Variants in MAMDC2 observed in about 807,000 individuals in gnomAD.
MAMDC2 encodes the protein MAM domain-containing protein 2.
A neutral mutation model predicts 89.8 loss-of-function variants in MAMDC2; 57 were observed. The observed-to-expected ratio is 0.63, with a 90% CI of 0.51 to 0.79. The LOEUF (loss-of-function observed/expected upper bound fraction) is 0.79. MAMDC2 is among the 30% of genes least tolerant of loss of function. The probability of loss-of-function intolerance (pLI) is 0.00; values close to 1 mark genes in which losing one functional copy is unlikely to be tolerated. For missense variants in MAMDC2, 800 were observed against 820.6 expected (o/e 0.97, Z 0.31); for synonymous variants, 313 against 293.4 (o/e 1.07, Z -0.68).
rs1294136232 is a variant in MAMDC2, at chr9:70,204,011, G to A, written c.1652-14326G>A. Reference sequence around the variant, plus strand: ...TTGCCTTTGGTTTGAATGTCCTCCCGTAGCTCAGAGTAATTTGATCGTCTG... The same window carrying A: ...TTGCCTTTGGTTTGAATGTCCTCCCATAGCTCAGAGTAATTTGATCGTCTG... On this transcript the variant is annotated intron_variant, in intron 11 of 13. Transcript: ENST00000377182. Among the ~76,000 whole-genome samples the A allele has an allele frequency of 2.7e-4, 40 of 148,216 alleles. No homozygotes were observed. In the East Asian group the frequency reaches 6.1e-3, roughly 23 times the overall value.
chr9:70,168,831 G>T, intron 10 of MAMDC2, 36 bp downstream of exon 10: 1 of 1,479,638 alleles, frequency 6.8e-7, no homozygotes, highest in South Asian at 1.1e-5. Context: ...CTGTCTCTCT[G>T]ACCTATACAT....
intron 2 of MAMDC2, 135 bp downstream of exon 2, chr9:70,044,832 C>T: frequency 1.3e-6 from 1 of 759,168 alleles, no homozygotes; most frequent in Non-Finnish European, 2.2e-6. Context: ...GATCCTCCTT[C>T]AAGCCCTCAG....
At chr9:70,123,969 G>T (rs2118329748) in intron 5 of MAMDC2, among the ~76,000 whole-genome samples, 1 of 152,308 alleles carries the variant, frequency 6.6e-6, no homozygotes, top group African/African-American at 2.4e-5. Flanking sequence ...CTCCCACTTT[G>T]CAGTATTTTG....
intron 2 of MAMDC2, among the ~76,000 whole-genome samples, chr9:70,102,660 G>A (rs984374427): frequency 6.6e-6 from 1 of 152,096 alleles, no homozygotes; most frequent in Non-Finnish European, 1.5e-5. Context: ...GTACTTTTTG[G>A]CAAGATGGCT....
intron 11 of MAMDC2, among the ~76,000 whole-genome samples, chr9:70,197,522 T>C (rs372986526): frequency 2.0e-5 from 3 of 152,096 alleles, no homozygotes; most frequent in African/African-American, 7.2e-5. Flanking sequence ...TGTGTGGGTA[T>C]TACTGAAATT....
intron 2 of MAMDC2, among the ~76,000 whole-genome samples, chr9:70,050,786 A>T (rs1587424684): frequency 6.6e-6 from 1 of 152,134 alleles, no homozygotes; most frequent in East Asian, 1.9e-4. Flanking sequence ...CTTCATTCCA[A>T]CCAGAGAAAG....
chr9:70,143,755 T>A lies in MAMDC2; in HGVS notation c.1340T>A (p.Leu447Ter), dbSNP rs1260304101. 1 of 1,614,198 alleles carries A rather than the reference T, an allele frequency of 6.2e-7. No individual in the cohort carries two copies. Among genetic ancestry groups the A allele is most frequent in the Non-Finnish European group, 8.5e-7 (1 of 1,180,022 alleles). Residue 447 changes from leucine to a stop codon, truncating the protein, a stop_gained, in exon 9 of 14, where the codon TTG (leucine) becomes TAG (stop). Transcript: ENST00000377182. LOFTEE classifies it high-confidence loss of function. ...GTTCAAGAGAAGATCTGGTCTGTGT[T>A]GGAGTCCCCAAGGGGTGTTTGGATG... ...HVVQEKIWSV[L>*]ESPRGVWMQA...
chr9:70,198,197 C>CACAT lies in MAMDC2; in HGVS notation c.1652-20139_1652-20138insCATA, dbSNP rs1400926033. Among the ~76,000 whole-genome samples, 704 of 148,846 alleles carry CACAT rather than the reference C, an allele frequency of 4.7e-3. 4 individuals are homozygous for CACAT. Among genetic ancestry groups the CACAT allele is most frequent in the Non-Finnish European group, 6.9e-3 (462 of 67,412 alleles). On this transcript the variant is annotated intron_variant, in intron 11 of 13. Transcript: ENST00000377182. ...ATATATATATACACACACACACACA[C>CACAT]AATATATAATATATAATAAAGTTTA...
intron 6 of MAMDC2, among the ~76,000 whole-genome samples, chr9:70,131,225 CA>C (rs2030792730): frequency 6.6e-6 from 1 of 152,110 alleles, no homozygotes; most frequent in Non-Finnish European, 1.5e-5. Context: ...AATCACCTCC[CA>C]AAAAGCCCCA....
In MAMDC2 at chr9:70,058,945, T is replaced by C. The variant is rs73650511; in HGVS notation, c.148+14248T>C. The stretch of plus-strand genomic sequence containing the variant: ...GTTCCAAGTTCCAAATGAGATTAAC[T>C]TGAGAACTCCTGTGAGAGTCTCACA... On this transcript the variant is annotated intron_variant, in intron 2 of 13. Transcript: ENST00000377182. Among the ~76,000 whole-genome samples, 484 of 152,312 alleles carry C rather than the reference T, an allele frequency of 3.2e-3. 1 individual carries two copies. Among genetic ancestry groups the C allele is most frequent in the African/African-American group, 0.011 (463 of 41,560 alleles).
intron 9 of MAMDC2, among the ~76,000 whole-genome samples, chr9:70,160,277 G>A (rs1031813852): frequency 6.6e-6 from 1 of 152,010 alleles, no homozygotes; most frequent in Non-Finnish European, 1.5e-5. Flanking sequence ...AGGAGTACAT[G>A]TAAAAATCAG....
At chr9:70,099,982 GA>G (rs1347904317) in intron 2 of MAMDC2, among the ~76,000 whole-genome samples, 739 of 40,904 alleles carry the variant, frequency 0.018, 3 homozygotes, top group African/African-American at 0.17. Context: ...CAAAAAGAAA[GA>G]GAGAGAGAGA....
intron 11 of MAMDC2, chr9:70,217,552 C>A: frequency 6.3e-7 from 1 of 1,589,822 alleles, no homozygotes. Flanking sequence ...AAAGGCTAAG[C>A]AAGCATCTAA....
At chr9:70,176,185 T>C (rs1156559278) in intron 11 of MAMDC2, among the ~76,000 whole-genome samples, 1 of 152,240 alleles carries the variant, frequency 6.6e-6, no homozygotes, top group Non-Finnish European at 1.5e-5. Flanking sequence ...CTGAGCTTGC[T>C]TGACTAGTAG....
chr9:70,204,598 C>T (rs2033178672), intron 11 of MAMDC2, among the ~76,000 whole-genome samples: 1 of 151,442 alleles, frequency 6.6e-6, no homozygotes, highest in Non-Finnish European at 1.5e-5. Context: ...TTCGAGCTTC[C>T]CGGCTGCTTT....
chr9:70,168,557 T>G, intron 9 of MAMDC2, 145 bp from the exon 10 acceptor site: 1 of 610,026 alleles, frequency 1.6e-6, no homozygotes, highest in Non-Finnish European at 2.9e-6. Flanking sequence ...TTCTTCTTCC[T>G]ACTGTGTTCT....
At chr9:70,199,600 G>A (rs1368869891) in intron 11 of MAMDC2, among the ~76,000 whole-genome samples, 1 of 83,922 alleles carries the variant, frequency 1.2e-5, no homozygotes, top group African/African-American at 3.6e-5. Context: ...GGTATTTCTA[G>A]TTCTAGATCC....
At chr9:70,086,379 A>G (rs1827771335) in intron 2 of MAMDC2, 1 of 152,164 alleles carries the variant, frequency 6.6e-6, no homozygotes, top group South Asian at 2.1e-4. Flanking sequence ...GGTGTTGTGC[A>G]GTTAATTGTG....
chr9:70,078,333 C>T lies in MAMDC2; in HGVS notation c.149-29878C>T, dbSNP rs58121128. Reference sequence around the variant, plus strand: ...TCAGTGGTATTTTTCAAAGTGCCCACATAATGTTTTATGCTACGTCAACCT... The same window carrying T: ...TCAGTGGTATTTTTCAAAGTGCCCATATAATGTTTTATGCTACGTCAACCT... On this transcript the variant is annotated intron_variant, in intron 2 of 13. Transcript: ENST00000377182. 4.3e-3 allele frequency among the ~76,000 whole-genome samples: 662 copies of T among 152,232 alleles called. 6 individuals carry two copies. The highest frequency in any genetic ancestry group is 0.014 in the African/African-American group (577 of 41,544).
Sources: gnomAD v4.1 joint callset for allele counts (sites outside exome capture counted in the v4.1 genomes callset) on GRCh38, gnomAD v4.1.1 for gene constraint, MANE v1.5 for transcripts, NCBI Gene and HGNC (gene_info 2026-07-23, HGNC 2026-07-21) for gene names.